The following MYO1E variants were observed in gnomAD, a reference collection of about 807,000 sequenced individuals.
The protein encoded by MYO1E is myosin IE.
MYO1E carries 68 observed loss-of-function variants against 151.1 expected under a neutral mutation model. The ratio of observed to expected loss-of-function variants is 0.45; its 90% CI spans 0.37 to 0.55. MYO1E has a LOEUF of 0.55. MYO1E is among the 20% of genes least tolerant of loss of function. MYO1E has a pLI of 0.00. For synonymous variants in MYO1E, 601 were observed against 501.7 expected, an observed-to-expected ratio of 1.20 and a Z score of -2.64; for missense variants, 1,363 against 1,389.3, an observed-to-expected ratio of 0.98 and a Z score of 0.30.
intron 25 of MYO1E, among the ~76,000 whole-genome samples, chr15:59,155,206 C>T (rs2079503066): frequency 6.6e-6 from 1 of 152,244 alleles, no homozygotes; most frequent in Non-Finnish European, 1.5e-5. Context: ...TGCTCGAGAT[C>T]CCCTTGTCCA....
chr15:59,160,921 G>A (rs2079534563), intron 24 of MYO1E, 152 bp downstream of exon 24: 3 of 1,107,670 alleles, frequency 2.7e-6, no homozygotes, highest in South Asian at 1.3e-5. Context: ...GCTTTAGTTT[G>A]AAATGTTCCA....
rs111367879 is a variant in MYO1E at position 59,272,454 on chromosome 15, G to T, written c.4-5C>A. On this transcript the variant is annotated splice_polypyrimidine_tract_variant and splice_region_variant and intron_variant, in intron 1 of 27. Transcript: ENST00000288235. ...CTGGTAGACACCTTTGCTTCCCTGG[G>T]AACATAAAACATACAATTACTAGGA... The T allele has an allele frequency of 4.3e-6, 7 of 1,614,012 alleles. No individual in the cohort carries two copies. The highest frequency in any genetic ancestry group is 1.7e-4 in the Middle Eastern group (1 of 6,060).
chr15:59,321,848 A>G (rs2080628274), intron 1 of MYO1E, among the ~76,000 whole-genome samples: 1 of 152,094 alleles, frequency 6.6e-6, no homozygotes. Flanking sequence ...CCTGGGTGAC[A>G]GAGTGAGACC....
chr15:59,359,055 AT>A (rs1327774369), intron 1 of MYO1E, among the ~76,000 whole-genome samples: 1 of 152,082 alleles, frequency 6.6e-6, no homozygotes, highest in Non-Finnish European at 1.5e-5. Flanking sequence ...GACACAAACA[AT>A]TTCATAGACT....
intron 13 of MYO1E, among the ~76,000 whole-genome samples, chr15:59,210,060 G>A (rs929564099): frequency 6.6e-6 from 1 of 151,544 alleles, no homozygotes; most frequent in Non-Finnish European, 1.5e-5. Flanking sequence ...TAGAAATAGG[G>A]TTTCACCATG....
intron 1 of MYO1E, among the ~76,000 whole-genome samples, chr15:59,353,614 G>A (rs1490045762): frequency 2.7e-5 from 4 of 150,248 alleles, no homozygotes; most frequent in Admixed American, 6.6e-5. Flanking sequence ...AAAAATAGCC[G>A]GGTGTGGTGG....
intron 22 of MYO1E, among the ~76,000 whole-genome samples, chr15:59,164,939 G>C (rs565812330): frequency 5.3e-5 from 8 of 152,210 alleles, no homozygotes; most frequent in African/African-American, 1.7e-4. Flanking sequence ...CTCATGAATT[G>C]GATTAGTGAC....
At chr15:59,140,069 TG>T (rs1178621801) in intron 26 of MYO1E, among the ~76,000 whole-genome samples, 41 of 64,842 alleles carry the variant, frequency 6.3e-4, no homozygotes, top group Admixed American at 3.8e-3. Flanking sequence ...TTCTCTGTTG[TG>T]TGTGTGTGTG....
At chr15:59,207,933 A>C (rs1341840809) in intron 14 of MYO1E, 7 of 1,613,984 alleles carry the variant, frequency 4.3e-6, no homozygotes, top group Non-Finnish European at 5.1e-6. Flanking sequence ...GCCTCTATGG[A>C]ATAGATGAAG....
chr15:59,146,031 A>G (rs1430168050), intron 26 of MYO1E, among the ~76,000 whole-genome samples: 1 of 151,770 alleles, frequency 6.6e-6, no homozygotes, highest in Non-Finnish European at 1.5e-5. Flanking sequence ...TATTGTTATT[A>G]TTTTTAGAGA....
In MYO1E at chr15:59,217,985, G is replaced by C. The variant is rs753176823; in HGVS notation, c.1013C>G (p.Ser338Cys). The C allele has an allele frequency of 1.9e-6, 3 of 1,614,252 alleles. No individual in the cohort carries two copies. The highest frequency in any genetic ancestry group is 2.5e-6 in the Non-Finnish European group (3 of 1,180,042). ...CTCTACGTTGAGGGTCACGTGGATG[G>C]ATTCGGATTTGCCTCCCCACTTGCT... Reference protein sequence around the residue: ...MDSKWGGKSESIHVTLNVEQA... With the variant: ...MDSKWGGKSECIHVTLNVEQA... The change falls in exon 10 of 28, where the codon TCC (serine) becomes TGC (cysteine). Residue 338 changes from serine (S) to cysteine (C), a missense_variant. Transcript: ENST00000288235.
intron 1 of MYO1E, among the ~76,000 whole-genome samples, chr15:59,278,656 G>GC (rs2080335648): frequency 6.6e-6 from 1 of 152,116 alleles, no homozygotes; most frequent in Non-Finnish European, 1.5e-5. Flanking sequence ...TGTCTCTGAA[G>GC]CAAGTATGTG....
At chr15:59,177,307 C>T (rs2079631002) in intron 19 of MYO1E, among the ~76,000 whole-genome samples, 1 of 152,174 alleles carries the variant, frequency 6.6e-6, no homozygotes, top group Non-Finnish European at 1.5e-5. Flanking sequence ...TGATGTCTCA[C>T]AAAGCCATTC....
At position 59,236,373 on chromosome 15, in the gene MYO1E, C is replaced by T. The variant is rs976645664; in HGVS notation, c.420+212G>A. On this transcript the variant is annotated intron_variant, in intron 5 of 27. Coordinates refer to ENST00000288235, the MANE Select transcript of MYO1E (RefSeq NM_004998.4). The stretch of plus-strand genomic sequence containing the variant: ...AAAAGAAAAAAAAAAAATATATACA[C>T]ACACACACACACACACACACACACA... Among the ~76,000 whole-genome samples the T allele has an allele frequency of 0.21, 1,853 of 8,764 alleles. 106 individuals carry two copies. Among genetic ancestry groups the T allele is most frequent in the African/African-American group, 0.42 (1,503 of 3,546 alleles). The allele number at this position is 8,764 out of a possible 152,430, so 5.7% of individuals were successfully genotyped here. A position where few individuals can be genotyped will look rare whatever the true frequency, so the allele number is the denominator to read the frequency against.
chr15:59,351,512 A>C (rs1329124332), intron 1 of MYO1E, among the ~76,000 whole-genome samples: 1 of 152,206 alleles, frequency 6.6e-6, no homozygotes, highest in Non-Finnish European at 1.5e-5. Flanking sequence ...TTTGGTCTTT[A>C]GACTGTTCCC....
At chr15:59,321,301 T>G (rs1215941418) in intron 1 of MYO1E, among the ~76,000 whole-genome samples, 1 of 152,228 alleles carries the variant, frequency 6.6e-6, no homozygotes, top group Non-Finnish European at 1.5e-5. Flanking sequence ...AAAACAGAAC[T>G]ATCATTCAAC....
intron 5 of MYO1E, among the ~76,000 whole-genome samples, chr15:59,235,875 A>C (rs568119910): frequency 2.6e-5 from 4 of 152,196 alleles, no homozygotes; most frequent in Non-Finnish European, 5.9e-5. Flanking sequence ...ATAGGCAAAA[A>C]ATAGTTTTCT....
chr15:59,216,468 T>C (rs750097577), intron 10 of MYO1E, among the ~76,000 whole-genome samples: 3 of 151,552 alleles, frequency 2.0e-5, no homozygotes, highest in African/African-American at 4.9e-5. Context: ...ATTTAGAGGC[T>C]ACAGTGATTA....
At chr15:59,325,920 C>T (rs1343590662) in intron 1 of MYO1E, among the ~76,000 whole-genome samples, 1 of 152,180 alleles carries the variant, frequency 6.6e-6, no homozygotes, top group Non-Finnish European at 1.5e-5. Flanking sequence ...GGCCTATAAT[C>T]AGGGCTGTCC....
Sources: allele counts gnomAD v4.1 joint callset (sites outside exome capture counted in the v4.1 genomes callset), GRCh38; gene constraint gnomAD v4.1.1; transcripts MANE v1.5; gene names NCBI Gene and HGNC (gene_info 2026-07-23, HGNC 2026-07-21).